Variants in RARB observed in about 807,000 individuals in gnomAD.
The protein encoded by RARB is retinoic acid receptor beta.
RARB carries 17 observed loss-of-function variants against 51.9 expected under a neutral mutation model. That is an observed-to-expected ratio of 0.33 (90% CI 0.22 to 0.49). The LOEUF (loss-of-function observed/expected upper bound fraction) is 0.49, where lower values mean the gene tolerates loss of function less well. Ranked by LOEUF, RARB falls within the 20% of genes least tolerant of loss-of-function variation. The pLI is 0.99. For missense variants in RARB, 369 were observed against 550.8 expected, an observed-to-expected ratio of 0.67 and a Z score of 3.30; for synonymous variants, 215 against 195.4, an observed-to-expected ratio of 1.10 and a Z score of -0.84.
intron 2 of RARB, among the ~76,000 whole-genome samples, chr3:24,994,412 G>A (rs1269908214): frequency 3.3e-5 from 5 of 152,088 alleles, no homozygotes; most frequent in African/African-American, 1.2e-4. Flanking sequence ...CCTATCAGAT[G>A]AGTAGTTTGC....
chr3:25,132,628 C>T (rs930158095), intron 4 of RARB, among the ~76,000 whole-genome samples: 2 of 151,690 alleles, frequency 1.3e-5, no homozygotes, highest in African/African-American at 2.4e-5. Flanking sequence ...CTAATTCATC[C>T]AAGAATTCAC....
intron 5 of RARB, among the ~76,000 whole-genome samples, chr3:25,338,150 AC>A (rs1705121726): frequency 1.3e-5 from 2 of 151,476 alleles, no homozygotes; most frequent in Non-Finnish European, 2.9e-5. Flanking sequence ...TAAGCAAAGT[AC>A]CAAGACATAA....
At chr3:25,197,387 G>A (rs1701271698) in intron 5 of RARB, among the ~76,000 whole-genome samples, 1 of 151,998 alleles carries the variant, frequency 6.6e-6, no homozygotes, top group Non-Finnish European at 1.5e-5. Context: ...GATGTGTGGT[G>A]TTATTTCTGA....
chr3:25,289,147 A>C (rs1703724602), intron 5 of RARB, among the ~76,000 whole-genome samples: 1 of 152,224 alleles, frequency 6.6e-6, no homozygotes, highest in African/African-American at 2.4e-5. Context: ...CTTCAATTTC[A>C]AATATCAGCT....
At chr3:25,325,910 A>G (rs1313730018) in intron 5 of RARB, among the ~76,000 whole-genome samples, 1 of 152,224 alleles carries the variant, frequency 6.6e-6, no homozygotes, top group Non-Finnish European at 1.5e-5. Flanking sequence ...ACTCAGTTTT[A>G]GCTAAGTCCA....
chr3:25,201,329 G>T (rs934899765), intron 5 of RARB, among the ~76,000 whole-genome samples: 13 of 152,160 alleles, frequency 8.5e-5, no homozygotes, highest in Middle Eastern at 3.4e-3. Flanking sequence ...GGCGATTTTG[G>T]GCTGAGACGA....
intron 5 of RARB, among the ~76,000 whole-genome samples, chr3:25,318,309 A>C (rs1337446575): frequency 6.6e-6 from 1 of 152,162 alleles, no homozygotes; most frequent in Non-Finnish European, 1.5e-5. Flanking sequence ...TCGAGTTATT[A>C]TTGCAGTTCC....
chr3:24,887,344 G>A (rs1375169147), intron 2 of RARB, among the ~76,000 whole-genome samples: 2 of 152,178 alleles, frequency 1.3e-5, no homozygotes, highest in Admixed American at 6.5e-5. Flanking sequence ...GTAAATTTTG[G>A]CTGAGGCCGA....
chr3:25,480,839 G>C (rs565130706), intron 2 of RARB, among the ~76,000 whole-genome samples: 1 of 152,248 alleles, frequency 6.6e-6, no homozygotes, highest in South Asian at 2.1e-4. Context: ...CTAATTCTTT[G>C]CTACTGCATG....
chr3:25,291,796 A>C (rs1703794845), intron 5 of RARB, among the ~76,000 whole-genome samples: 1 of 152,118 alleles, frequency 6.6e-6, no homozygotes, highest in Non-Finnish European at 1.5e-5. Context: ...CCACGGGCTA[A>C]TTTATTACCC....
chr3:25,363,873 C>T (rs1038251449), intron 5 of RARB, among the ~76,000 whole-genome samples: 1 of 152,200 alleles, frequency 6.6e-6, no homozygotes, highest in Non-Finnish European at 1.5e-5. Context: ...GCCGCCTTTG[C>T]TGTTCCTCTT....
chr3:25,194,786 A>G (rs1282125844), intron 5 of RARB, among the ~76,000 whole-genome samples: 1 of 151,924 alleles, frequency 6.6e-6, no homozygotes, highest in Non-Finnish European at 1.5e-5. Context: ...TAATTTTTAA[A>G]AAAGACTGTG....
intron 2 of RARB, among the ~76,000 whole-genome samples, chr3:25,001,084 C>A (rs1697149389): frequency 6.6e-6 from 1 of 151,860 alleles, no homozygotes; most frequent in Admixed American, 6.6e-5. Flanking sequence ...TACTGTAATG[C>A]TGTGTCAAAT....
intron 2 of RARB, among the ~76,000 whole-genome samples, chr3:25,484,381 G>T (rs1696368157): frequency 6.6e-6 from 1 of 152,020 alleles, no homozygotes; most frequent in Non-Finnish European, 1.5e-5. Context: ...TTGATAATTA[G>T]GGTGTATGTG....
At position 25,000,066 on chromosome 3, in the gene RARB, C is replaced by T. The variant is rs149721118; in HGVS notation, c.-379-60059C>T. ...TACCAGTTCAGTGGCAACAGAGCTC[C>T]GGCTTCAATCATTAGAATGAGAGAC... is the stretch of plus-strand genomic sequence containing the variant. On this transcript the variant is annotated intron_variant, in intron 2 of 11. Transcript: ENST00000383772. 7.2e-3 allele frequency among the ~76,000 whole-genome samples: 1,092 copies of T among 152,112 alleles called. 6 individuals carry two copies. The highest frequency in any genetic ancestry group is 0.011 in the Non-Finnish European group (739 of 67,990).
chr3:25,083,322 A>T (rs1300459933), intron 3 of RARB, among the ~76,000 whole-genome samples: 1 of 152,164 alleles, frequency 6.6e-6, no homozygotes, highest in Non-Finnish European at 1.5e-5. Context: ...CCCACAGATC[A>T]CTAAAGCTCT....
At chr3:25,459,176 G>A (rs1396360002) in intron 1 of RARB, among the ~76,000 whole-genome samples, 2 of 152,180 alleles carry the variant, frequency 1.3e-5, no homozygotes, top group Non-Finnish European at 2.9e-5. Context: ...GGAATGGAGA[G>A]GGGCATTTTA....
At chr3:25,542,354 C>T (rs1429300998) in intron 3 of RARB, among the ~76,000 whole-genome samples, 3 of 152,200 alleles carry the variant, frequency 2.0e-5, no homozygotes, top group Admixed American at 6.5e-5. Context: ...ACCTCCTCAT[C>T]CCCTGTAATA....
intron 2 of RARB, among the ~76,000 whole-genome samples, chr3:24,931,617 C>CAGACTGATAGGTACAGT (rs1261410045): frequency 6.6e-6 from 1 of 152,084 alleles, no homozygotes; most frequent in African/African-American, 2.4e-5. Flanking sequence ...TGTGGTACAG[C>CAGACTGATAGGTACAGT]AGACTGATAG....
Sources: gnomAD v4.1 joint callset for allele counts (sites outside exome capture counted in the v4.1 genomes callset) on GRCh38, gnomAD v4.1.1 for gene constraint, MANE v1.5 for transcripts, NCBI Gene and HGNC (gene_info 2026-07-23, HGNC 2026-07-21) for gene names.